The following CSMD1 variants were observed in gnomAD, a reference collection of about 807,000 sequenced individuals.
CSMD1 encodes the protein CUB and Sushi multiple domains 1.
A neutral mutation model predicts 417.5 loss-of-function variants in CSMD1; 213 were observed. That is an observed-to-expected ratio of 0.51 (90% CI 0.46 to 0.57). The LOEUF is 0.57. Among genes scored for constraint, CSMD1 ranks in the 20% least tolerant of loss-of-function variants. The pLI is 0.00. For missense variants in CSMD1, 6,923 were observed against 4,529.7 expected, an observed-to-expected ratio of 1.53 and a Z score of -15.17; for synonymous variants, 2,862 against 1,736.8, an observed-to-expected ratio of 1.65 and a Z score of -16.11.
intron 3 of CSMD1, among the ~76,000 whole-genome samples, chr8:4,186,247 T>A (rs1243753240): frequency 6.6e-6 from 1 of 152,140 alleles, no homozygotes; most frequent in East Asian, 1.9e-4. Context: ...CCATACTCAC[T>A]GCAGCAGAGG....
intron 4 of CSMD1, among the ~76,000 whole-genome samples, chr8:4,019,049 G>C (rs931231353): frequency 6.6e-6 from 1 of 152,186 alleles, no homozygotes; most frequent in African/African-American, 2.4e-5. Context: ...TTATCGCTTT[G>C]AGACAGATGC....
chr8:3,552,153 G>A (rs1294069098), intron 10 of CSMD1, among the ~76,000 whole-genome samples: 3 of 152,206 alleles, frequency 2.0e-5, no homozygotes, highest in Non-Finnish European at 4.4e-5. Flanking sequence ...CATCTTCTAA[G>A]AGAAAGAGGT....
intron 1 of CSMD1, among the ~76,000 whole-genome samples, chr8:4,637,782 T>C (rs1380743283): frequency 6.7e-6 from 1 of 149,748 alleles, no homozygotes. Flanking sequence ...GCCATTCTCC[T>C]GCCTCAGCCT....
At chr8:4,479,694 G>C (rs569157677) in intron 2 of CSMD1, among the ~76,000 whole-genome samples, 24 of 152,082 alleles carry the variant, frequency 1.6e-4, no homozygotes, top group African/African-American at 5.1e-4. Flanking sequence ...AGGAGAGAGA[G>C]ACCATCCTGG....
chr8:4,292,362 C>A (rs997095468), intron 3 of CSMD1, among the ~76,000 whole-genome samples: 24 of 152,084 alleles, frequency 1.6e-4, no homozygotes, highest in African/African-American at 5.1e-4. Flanking sequence ...ACGCCTTTCT[C>A]CTGCCTCAGC....
intron 7 of CSMD1, among the ~76,000 whole-genome samples, chr8:3,636,777 A>G (rs992597084): frequency 3.9e-5 from 6 of 152,244 alleles, no homozygotes; most frequent in Middle Eastern, 3.4e-3. Context: ...TTCTCCTGAC[A>G]CTTCCACACT....
chr8:3,143,422 C>G (rs981729889), intron 40 of CSMD1, among the ~76,000 whole-genome samples: 2 of 152,124 alleles, frequency 1.3e-5, no homozygotes, highest in Non-Finnish European at 2.9e-5. Flanking sequence ...AAAGACTGTT[C>G]AAATGACCAG....
chr8:3,056,077 T>C (rs1812200006), intron 49 of CSMD1, among the ~76,000 whole-genome samples: 1 of 152,242 alleles, frequency 6.6e-6, no homozygotes, highest in Non-Finnish European at 1.5e-5. Flanking sequence ...ACACATAAAA[T>C]TTTTACTTAT....
intron 10 of CSMD1, among the ~76,000 whole-genome samples, chr8:3,524,053 GCA>G (rs1310651086): frequency 1.7e-5 from 2 of 116,318 alleles, no homozygotes; most frequent in African/African-American, 6.2e-5. Flanking sequence ...AGAGACACGT[GCA>G]CACACATGCA....
intron 24 of CSMD1, 41 bp downstream of exon 24, chr8:3,308,271 G>T: frequency 1.3e-6 from 2 of 1,515,438 alleles, no homozygotes; most frequent in Non-Finnish European, 1.8e-6. Flanking sequence ...GCACCCTAAG[G>T]CCTGGCTTTT....
At chr8:3,076,784 A>C (rs920929195) in intron 49 of CSMD1, among the ~76,000 whole-genome samples, 5 of 152,146 alleles carry the variant, frequency 3.3e-5, no homozygotes, top group African/African-American at 1.2e-4. Context: ...CTTTGCGCAA[A>C]ATGCTGGGGA....
chr8:4,284,091 G>A (rs1796931693), intron 3 of CSMD1, among the ~76,000 whole-genome samples: 1 of 152,162 alleles, frequency 6.6e-6, no homozygotes, highest in Non-Finnish European at 1.5e-5. Flanking sequence ...AAATTAGCTA[G>A]GCATGGTGGC....
chr8:4,616,646 C>G (rs1462227949), intron 2 of CSMD1, among the ~76,000 whole-genome samples: 1 of 152,130 alleles, frequency 6.6e-6, no homozygotes, highest in Non-Finnish European at 1.5e-5. Context: ...ATTGGACATG[C>G]CAACGCTTGA....
intron 12 of CSMD1, among the ~76,000 whole-genome samples, chr8:3,424,794 C>G (rs1813717623): frequency 6.6e-6 from 1 of 152,162 alleles, no homozygotes; most frequent in Non-Finnish European, 1.5e-5. Context: ...TTAACAATTG[C>G]CCAAGAGTAA....
intron 3 of CSMD1, among the ~76,000 whole-genome samples, chr8:4,048,808 A>G (rs1485708602): frequency 5.9e-5 from 9 of 152,224 alleles, no homozygotes. Flanking sequence ...ATATGTAGTC[A>G]CAAGCTTTAT....
intron 4 of CSMD1, among the ~76,000 whole-genome samples, chr8:4,026,710 T>G (rs1368190586): frequency 3.3e-5 from 5 of 152,214 alleles, no homozygotes; most frequent in African/African-American, 1.2e-4. Flanking sequence ...ATCTGAGAGA[T>G]CAAGGGACTT....
intron 1 of CSMD1, among the ~76,000 whole-genome samples, chr8:4,826,806 T>G (rs1342873016): frequency 6.6e-6 from 1 of 152,174 alleles, no homozygotes; most frequent in East Asian, 1.9e-4. Context: ...CTTAATGTAC[T>G]TTTACCAAAT....
At chr8:4,384,915 T>A (rs1212655144) in intron 3 of CSMD1, among the ~76,000 whole-genome samples, 1 of 152,148 alleles carries the variant, frequency 6.6e-6, no homozygotes, top group Non-Finnish European at 1.5e-5. Flanking sequence ...CTGGATGGCT[T>A]CCAGATCAAG....
chr8:3,971,411 T>C (rs1321694259), intron 5 of CSMD1, among the ~76,000 whole-genome samples: 1 of 152,150 alleles, frequency 6.6e-6, no homozygotes, highest in Non-Finnish European at 1.5e-5. Context: ...AAAATGTTTT[T>C]CAATATATTT....
Sources: allele counts gnomAD v4.1 joint callset (sites outside exome capture counted in the v4.1 genomes callset), GRCh38; gene constraint gnomAD v4.1.1; transcripts MANE v1.5; gene names NCBI Gene and HGNC (gene_info 2026-07-23, HGNC 2026-07-21).